HERC3: variants seen among roughly 807,000 people sequenced by gnomAD.
HERC3 encodes the protein HECT and RLD domain containing E3 ubiquitin protein ligase 3.
Under a neutral mutation model 129.9 loss-of-function variants are expected in HERC3, and 58 were observed. The observed-to-expected ratio is 0.45, with a 90% CI of 0.36 to 0.56. HERC3 has a LOEUF of 0.56. HERC3 is among the 20% of genes least tolerant of loss of function. The pLI, the probability that HERC3 is intolerant of heterozygous loss-of-function variation, is 0.00. For synonymous variants in HERC3, 430 were observed against 451.0 expected, an observed-to-expected ratio of 0.95 and a Z score of 0.59; for missense variants, 835 against 1,244.2, an observed-to-expected ratio of 0.67 and a Z score of 4.95.
intron 23 of HERC3, chr4:88,690,311 A>G (rs1218366878): frequency 3.0e-6 from 3 of 984,344 alleles, no homozygotes; most frequent in Non-Finnish European, 3.6e-6. Context: ...AATTTATGGC[A>G]GATCATAAAG....
intron 3 of HERC3, among the ~76,000 whole-genome samples, chr4:88,644,134 T>A (rs1578230172): frequency 6.6e-6 from 1 of 152,336 alleles, no homozygotes; most frequent in Middle Eastern, 3.4e-3. Flanking sequence ...TAGCAAGTGT[T>A]GGCAAGGATG....
At chr4:88,669,271 A>G (rs1044683379) in intron 14 of HERC3, among the ~76,000 whole-genome samples, 6 of 152,108 alleles carry the variant, frequency 3.9e-5, no homozygotes, top group Non-Finnish European at 7.4e-5. Flanking sequence ...CAGACATACT[A>G]TTTCATTCTT....
the HERC3 span, among the ~76,000 whole-genome samples, chr4:88,564,581 G>T: frequency 1.3e-5 from 2 of 152,048 alleles, no homozygotes; most frequent in Non-Finnish European, 2.9e-5. Context: ...GGTATCAGTT[G>T]CAATGTCTCC....
chr4:88,643,695 A>C (rs1420015662), intron 3 of HERC3, among the ~76,000 whole-genome samples: 1 of 152,224 alleles, frequency 6.6e-6, no homozygotes, highest in Non-Finnish European at 1.5e-5. Flanking sequence ...ATACCTTAAA[A>C]AAAAGAACCT....
chr4:88,572,796 A>C, the HERC3 span, among the ~76,000 whole-genome samples: 3 of 117,924 alleles, frequency 2.5e-5, no homozygotes, highest in East Asian at 7.8e-4. Flanking sequence ...CAATAGAGCA[A>C]GACTGTCTCA....
At chr4:88,631,571 G>A (rs62308702) in intron 3 of HERC3, among the ~76,000 whole-genome samples, 3,087 of 152,294 alleles carry the variant, frequency 0.02, 76 homozygotes, top group African/African-American at 0.052. Context: ...GTAATACTTG[G>A]TATTAAGCAA....
At chr4:88,578,793 C>T in the HERC3 span, among the ~76,000 whole-genome samples, 1 of 151,982 alleles carries the variant, frequency 6.6e-6, no homozygotes, top group Non-Finnish European at 1.5e-5. Context: ...GACAAGAAAA[C>T]AGAGGCATGG....
the HERC3 span, among the ~76,000 whole-genome samples, chr4:88,537,050 C>T: frequency 6.6e-6 from 1 of 152,274 alleles, no homozygotes; most frequent in Middle Eastern, 3.4e-3. Context: ...TTCATTTACA[C>T]TTTAACACTT....
chr4:88,592,414 C>T (rs545800095), upstream of HERC3: 1 of 152,456 alleles, frequency 6.6e-6, no homozygotes, highest in African/African-American at 2.4e-5. Flanking sequence ...GAACGGCGCC[C>T]ATTGGCCCGG....
At chr4:88,533,717 T>G in the HERC3 span, among the ~76,000 whole-genome samples, 3 of 152,224 alleles carry the variant, frequency 2.0e-5, no homozygotes, top group African/African-American at 7.2e-5. Context: ...ATAGTCATGA[T>G]TCTAATCTAG....
At chr4:88,542,466 G>A in the HERC3 span, among the ~76,000 whole-genome samples, 2 of 152,188 alleles carry the variant, frequency 1.3e-5, no homozygotes, top group African/African-American at 4.8e-5. Flanking sequence ...ACCAAAAAAA[G>A]TCCAGGACCA....
At chr4:88,577,299 A>G in the HERC3 span, among the ~76,000 whole-genome samples, 1 of 152,172 alleles carries the variant, frequency 6.6e-6, no homozygotes, top group Non-Finnish European at 1.5e-5. Flanking sequence ...GTTTGGCATT[A>G]AAGCCTCATC....
At chr4:88,705,646 C>A (rs1735713009) in intron 25 of HERC3, among the ~76,000 whole-genome samples, 1 of 152,176 alleles carries the variant, frequency 6.6e-6, no homozygotes, top group South Asian at 2.1e-4. Flanking sequence ...TTTACATGAA[C>A]AAATTCAGCC....
At chr4:88,581,752 T>G in the HERC3 span, among the ~76,000 whole-genome samples, 1 of 152,222 alleles carries the variant, frequency 6.6e-6, no homozygotes, top group East Asian at 1.9e-4. Flanking sequence ...GCCCCTGGCC[T>G]GAAAATATTT....
intron 3 of HERC3, among the ~76,000 whole-genome samples, chr4:88,633,692 AAT>A (rs1174079061): frequency 8.6e-5 from 13 of 151,684 alleles, no homozygotes; most frequent in African/African-American, 2.7e-4. Context: ...ATTAAATAGA[AAT>A]AGTCTAAACA....
chr4:88,569,761 G>A, the HERC3 span, among the ~76,000 whole-genome samples: 1 of 152,174 alleles, frequency 6.6e-6, no homozygotes, highest in Admixed American at 6.5e-5. Context: ...GATTTGGCTG[G>A]GAGGATTTCC....
chr4:88,588,188 T>C (rs1315995671), upstream of HERC3, among the ~76,000 whole-genome samples: 1 of 152,204 alleles, frequency 6.6e-6, no homozygotes, highest in African/African-American at 2.4e-5. Flanking sequence ...TCAAGGAAGA[T>C]AGAGAAATAA....
the HERC3 span, among the ~76,000 whole-genome samples, chr4:88,562,560 T>G: frequency 1.3e-5 from 2 of 152,192 alleles, no homozygotes; most frequent in Admixed American, 6.5e-5. Flanking sequence ...GGGGTATTAC[T>G]AAAGAAAGTT....
chr4:88,592,366 C>G (rs1476241133), upstream of HERC3: 1 of 152,528 alleles, frequency 6.6e-6, no homozygotes, highest in Non-Finnish European at 1.5e-5. Flanking sequence ...GCCTCCAGCC[C>G]GTGCCACGGC....
Sources: allele counts gnomAD v4.1 joint callset (sites outside exome capture counted in the v4.1 genomes callset), GRCh38; gene constraint gnomAD v4.1.1; transcripts MANE v1.5; gene names NCBI Gene and HGNC (gene_info 2026-07-23, HGNC 2026-07-21).